Variants in SHANK2 observed in about 807,000 individuals in gnomAD.
The protein encoded by SHANK2 is SH3 and multiple ankyrin repeat domains 2.
In SHANK2, 43 loss-of-function variants were observed where a neutral mutation model predicts 133.7. The ratio of observed to expected loss-of-function variants is 0.32; its 90% CI spans 0.25 to 0.41. SHANK2 has a LOEUF of 0.41. Among genes scored for constraint, SHANK2 ranks in the 10% least tolerant of loss-of-function variants. The pLI is 1.00. For missense variants in SHANK2, 1,994 were observed against 2,235.8 expected (o/e 0.89, Z 2.18); for synonymous variants, 1,017 against 952.8 (o/e 1.07, Z -1.24).
At position 71,073,446 on chromosome 11, in the gene SHANK2, C is replaced by A. The variant is rs995233150; in HGVS notation, c.1029+1713G>T. ...GTGCTGGGCTTACAGGAGTGAGCCA[C>A]CGCGCCTGGCCAGGCTTGCTTTTTT... On this transcript the variant is annotated intron_variant, in intron 9 of 25. Coordinates refer to ENST00000601538, the MANE Select transcript of SHANK2 (RefSeq NM_012309.5). Among the ~76,000 whole-genome samples, 6 of 151,674 alleles carry A rather than the reference C, an allele frequency of 4.0e-5. No homozygotes were observed. In the East Asian group the frequency reaches 1.2e-3, roughly 30 times the overall value.
intron 24 of SHANK2, 85 bp downstream of exon 24, chr11:70,489,243 A>G: frequency 5.2e-6 from 7 of 1,348,516 alleles, no homozygotes; most frequent in Non-Finnish European, 6.4e-6. Context: ...TTCTGTTCCC[A>G]AGGAGTACTA....
At chr11:70,770,122 C>A (rs575534533) in intron 14 of SHANK2, among the ~76,000 whole-genome samples, 9 of 152,346 alleles carry the variant, frequency 5.9e-5, no homozygotes, top group African/African-American at 1.9e-4. Context: ...AAGATGAATA[C>A]CCTTCTCAGC....
chr11:71,094,898 C>T lies in SHANK2; in HGVS notation c.593-210G>A, dbSNP rs782747257. Among the ~76,000 whole-genome samples the T allele has an allele frequency of 4.6e-5, 7 of 152,220 alleles. No homozygotes were observed. The South Asian group carries it at 6.2e-4, about 13-fold the overall frequency. On this transcript the variant is annotated intron_variant, in intron 6 of 25. Coordinates refer to ENST00000601538, the MANE Select transcript of SHANK2 (RefSeq NM_012309.5). Reference sequence around the variant, plus strand: ...TGCGATGCAGTGACACGCAGGGCCACGCGTACAACACAGCGGTGGCAGAGG... The same window carrying T: ...TGCGATGCAGTGACACGCAGGGCCATGCGTACAACACAGCGGTGGCAGAGG...
chr11:71,101,947 G>T (rs1951722479), intron 6 of SHANK2, among the ~76,000 whole-genome samples: 1 of 152,174 alleles, frequency 6.6e-6, no homozygotes, highest in Non-Finnish European at 1.5e-5. Flanking sequence ...AATCTCATCA[G>T]TGAGGTCCAG....
At chr11:71,114,009 C>T (rs2135241773) in intron 4 of SHANK2, among the ~76,000 whole-genome samples, 1 of 152,324 alleles carries the variant, frequency 6.6e-6, no homozygotes, top group African/African-American at 2.4e-5. Context: ...CCTCCTCCCT[C>T]CTCCAGCCCC....
intron 3 of SHANK2, among the ~76,000 whole-genome samples, chr11:71,119,667 A>G (rs1952047390): frequency 6.6e-6 from 1 of 151,684 alleles, no homozygotes; most frequent in South Asian, 2.1e-4. Context: ...TCTCACTTGC[A>G]TGGCACTTCT....
rs1018374577 is a variant in SHANK2 at position 70,837,702 on chromosome 11, C to T, written c.1175-17020G>A. Among the ~76,000 whole-genome samples the T allele has an allele frequency of 3.3e-5, 5 of 152,130 alleles. 1 individual carries two copies. Among genetic ancestry groups the T allele is most frequent in the South Asian group, 4.1e-4 (2 of 4,826 alleles). On this transcript the variant is annotated intron_variant, in intron 11 of 25. Coordinates refer to ENST00000601538, the MANE Select transcript of SHANK2 (RefSeq NM_012309.5). ...CAAAGATGTGCGTTGAGGCCAGGCA[C>T]GGTGGCTCATGCCTGTAATCCCTAC...
intron 15 of SHANK2, chr11:70,668,160 T>C (rs1326228843): frequency 6.6e-6 from 1 of 152,180 alleles, no homozygotes; most frequent in Non-Finnish European, 1.5e-5. Flanking sequence ...AAAAAATGTG[T>C]CCAATTCCTA....
chr11:71,177,369 C>A (rs1953467627), intron 2 of SHANK2, among the ~76,000 whole-genome samples: 1 of 151,922 alleles, frequency 6.6e-6, no homozygotes, highest in African/African-American at 2.4e-5. Context: ...GAAAAATATA[C>A]AACAATAGCA....
At chr11:71,097,450 C>G (rs985806729) in intron 6 of SHANK2, among the ~76,000 whole-genome samples, 3 of 152,228 alleles carry the variant, frequency 2.0e-5, no homozygotes, top group Non-Finnish European at 2.9e-5. Context: ...TCAGGTTTTG[C>G]ATTTTGAAAT....
chr11:70,907,690 G>T, intron 10 of SHANK2: 1 of 230,438 alleles, frequency 4.3e-6, no homozygotes. Flanking sequence ...ATAATTCATC[G>T]CATTAGCAGA....
intron 17 of SHANK2, among the ~76,000 whole-genome samples, chr11:70,506,039 T>G (rs1554968300): frequency 6.6e-6 from 1 of 152,102 alleles, no homozygotes; most frequent in Non-Finnish European, 1.5e-5. Flanking sequence ...TCCTCAGAAG[T>G]GTCAGAGACA....
At chr11:70,526,789 AC>A (rs1270437546) in intron 17 of SHANK2, among the ~76,000 whole-genome samples, 1 of 140,418 alleles carries the variant, frequency 7.1e-6, no homozygotes, top group East Asian at 2.4e-4. Flanking sequence ...TCAGGCAAGG[AC>A]CCCCTCCCTC....
intron 17 of SHANK2, among the ~76,000 whole-genome samples, chr11:70,565,253 A>G (rs1384240754): frequency 2.0e-5 from 3 of 152,014 alleles, no homozygotes; most frequent in African/African-American, 7.2e-5. Context: ...CCATCCATTT[A>G]TTTATTTTTG....
chr11:70,892,897 G>T (rs555183461), intron 11 of SHANK2, among the ~76,000 whole-genome samples: 2 of 152,278 alleles, frequency 1.3e-5, no homozygotes, highest in Admixed American at 1.3e-4. Flanking sequence ...AGCCTCCGGG[G>T]CCCACAGAGT....
chr11:70,742,263 T>C (rs1441699515), intron 14 of SHANK2, among the ~76,000 whole-genome samples: 1 of 152,032 alleles, frequency 6.6e-6, no homozygotes, highest in East Asian at 1.9e-4. Context: ...CTCCTACTCA[T>C]CCTTCAAAAC....
At chr11:70,744,686 T>C (rs1243744812) in intron 14 of SHANK2, among the ~76,000 whole-genome samples, 3 of 152,170 alleles carry the variant, frequency 2.0e-5, no homozygotes, top group Non-Finnish European at 1.5e-5. Flanking sequence ...GGGACCGAAG[T>C]GCCAGCGTTT....
chr11:70,633,582 G>A (rs1415632277), intron 17 of SHANK2: 2 of 152,240 alleles, frequency 1.3e-5, no homozygotes, highest in Admixed American at 1.3e-4. Flanking sequence ...AGTTCTTCGA[G>A]ATGGAAGAAT....
chr11:71,155,246 G>A (rs1387210724), intron 2 of SHANK2, among the ~76,000 whole-genome samples: 6 of 78,034 alleles, frequency 7.7e-5, no homozygotes, highest in East Asian at 4.4e-4. Flanking sequence ...CCACGCTCCC[G>A]GAGGAGGAGT....
Sources: gnomAD v4.1 joint callset for allele counts (sites outside exome capture counted in the v4.1 genomes callset) on GRCh38, gnomAD v4.1.1 for gene constraint, MANE v1.5 for transcripts, NCBI Gene and HGNC (gene_info 2026-07-23, HGNC 2026-07-21) for gene names.